The following SYN2 variants were observed in gnomAD, a reference collection of about 807,000 sequenced individuals.
SYN2 encodes the protein synapsin-2.
SYN2 carries 19 observed loss-of-function variants against 50.9 expected under a neutral mutation model. That is an observed-to-expected ratio of 0.37 (90% CI 0.26 to 0.55). The LOEUF is 0.55. Among genes scored for constraint, SYN2 ranks in the 20% least tolerant of loss-of-function variants. The pLI is 0.81. For missense variants in SYN2, 587 were observed against 576.4 expected (o/e 1.02, Z -0.19); for synonymous variants, 255 against 224.9 (o/e 1.13, Z -1.20).
chr3:12,146,800 C>T (rs954747362), intron 4 of SYN2, among the ~76,000 whole-genome samples: 8 of 152,158 alleles, frequency 5.3e-5, no homozygotes, highest in Middle Eastern at 3.2e-3. Context: ...GCTTCCCCTC[C>T]GACCACTGAG....
intron 1 of SYN2, among the ~76,000 whole-genome samples, chr3:12,130,463 A>C (rs897435794): frequency 1.3e-5 from 2 of 152,140 alleles, no homozygotes; most frequent in Non-Finnish European, 2.9e-5. Flanking sequence ...ACAGGGAGAA[A>C]GAGCAAATTC....
intron 1 of SYN2, chr3:12,070,507 A>G (rs960679505): frequency 4.0e-5 from 29 of 723,904 alleles, no homozygotes; most frequent in Non-Finnish European, 1.7e-5. Context: ...CACACCTTCT[A>G]CAGTGAGTTG....
intron 1 of SYN2, among the ~76,000 whole-genome samples, chr3:12,081,710 C>T (rs1163294076): frequency 6.6e-6 from 1 of 152,176 alleles, no homozygotes; most frequent in East Asian, 1.9e-4. Context: ...CATTCTTCCA[C>T]CACATATGCC....
At chr3:12,101,177 C>T (rs747361445) in intron 1 of SYN2, among the ~76,000 whole-genome samples, 6 of 152,070 alleles carry the variant, frequency 3.9e-5, no homozygotes, top group Non-Finnish European at 7.4e-5. Flanking sequence ...AAAACTTGTA[C>T]GTGAAAAATT....
intron 1 of SYN2, among the ~76,000 whole-genome samples, chr3:12,091,263 G>A (rs1013621334): frequency 6.6e-6 from 1 of 152,144 alleles, no homozygotes; most frequent in Non-Finnish European, 1.5e-5. Flanking sequence ...GTGAGGATAT[G>A]TATTTTTTTT....
At chr3:12,093,620 T>G (rs1695873390) in intron 1 of SYN2, among the ~76,000 whole-genome samples, 1 of 152,164 alleles carries the variant, frequency 6.6e-6, no homozygotes, top group Non-Finnish European at 1.5e-5. Flanking sequence ...GTAACGATAC[T>G]TTGATGTGGG....
At chr3:12,118,384 G>A (rs576147223) in intron 1 of SYN2, among the ~76,000 whole-genome samples, 9 of 152,110 alleles carry the variant, frequency 5.9e-5, no homozygotes, top group Non-Finnish European at 1.2e-4. Flanking sequence ...GTAACATAGC[G>A]AGACCCTGTC....
chr3:12,150,010 A>G (rs2125223774), intron 4 of SYN2, among the ~76,000 whole-genome samples: 1 of 152,352 alleles, frequency 6.6e-6, no homozygotes, highest in Admixed American at 6.5e-5. Context: ...TTAACAGAAC[A>G]AGAATCAGAA....
At chr3:12,083,716 G>A (rs909035663) in intron 1 of SYN2, among the ~76,000 whole-genome samples, 4 of 152,156 alleles carry the variant, frequency 2.6e-5, no homozygotes, top group African/African-American at 9.7e-5. Flanking sequence ...TTCATCATCT[G>A]TTCTACCTAG....
chr3:12,147,881 A>C (rs970772746), intron 4 of SYN2, among the ~76,000 whole-genome samples: 1 of 152,178 alleles, frequency 6.6e-6, no homozygotes. Flanking sequence ...TGGGAGGCTG[A>C]GGCAGGCACA....
chr3:12,116,322 T>C (rs749225204), intron 1 of SYN2, among the ~76,000 whole-genome samples: 15 of 152,140 alleles, frequency 9.9e-5, no homozygotes, highest in Non-Finnish European at 1.6e-4. Flanking sequence ...AGAGAAAGGT[T>C]GGAAGAAGAG....
intron 1 of SYN2, among the ~76,000 whole-genome samples, chr3:12,079,188 TAAG>T (rs1428122533): frequency 1.3e-5 from 2 of 152,206 alleles, no homozygotes; most frequent in African/African-American, 4.8e-5. Flanking sequence ...CTTATCAGCT[TAAG>T]AAGCTTTTGG....
intron 10 of SYN2, among the ~76,000 whole-genome samples, chr3:12,177,847 A>T (rs1196423163): frequency 1.3e-5 from 2 of 152,180 alleles, no homozygotes; most frequent in Admixed American, 1.3e-4. Context: ...AGACTCAGGG[A>T]CTGCCCCCAT....
Position 12,183,384 on chromosome 3 carries a change from T to C in SYN2, c.1369+12T>C, listed in dbSNP as rs1281189727. On this transcript the variant is annotated intron_variant, in intron 11 of 12. Transcript: ENST00000621198. ...GCCACCCCCTCAAGGTTGTTTACAG[T>C]ATATTCTCGACTGTAATGGCATTGC... The C allele has an allele frequency of 1.5e-5, 25 of 1,613,752 alleles. No homozygotes were observed. Among genetic ancestry groups the C allele is most frequent in the African/African-American group, 2.7e-5 (2 of 74,920 alleles).
intron 1 of SYN2, among the ~76,000 whole-genome samples, chr3:12,080,810 C>G (rs971629906): frequency 3.3e-5 from 5 of 152,148 alleles, no homozygotes; most frequent in Non-Finnish European, 5.9e-5. Flanking sequence ...CTGTAGATAT[C>G]TATCAGGTCC....
intron 1 of SYN2, among the ~76,000 whole-genome samples, chr3:12,025,934 C>G (rs1163673450): frequency 6.6e-6 from 1 of 152,230 alleles, no homozygotes; most frequent in Non-Finnish European, 1.5e-5. Flanking sequence ...AGCCAAGCCT[C>G]TTGTTTCTTT....
chr3:12,011,422 T>G (rs3913280), intron 1 of SYN2, among the ~76,000 whole-genome samples: 30,651 of 152,104 alleles, frequency 0.2, 6,047 homozygotes, highest in African/African-American at 0.52. Context: ...AGTAGGGCAG[T>G]GACCTGTGGA....
chr3:12,040,325 G>C (rs1213492042), intron 1 of SYN2, among the ~76,000 whole-genome samples: 2 of 151,922 alleles, frequency 1.3e-5, no homozygotes, highest in African/African-American at 2.4e-5. Context: ...GAACAGGAGA[G>C]AATGTTAAAC....
intron 7 of SYN2, among the ~76,000 whole-genome samples, chr3:12,166,088 G>T (rs1165665281): frequency 6.6e-6 from 1 of 152,186 alleles, no homozygotes; most frequent in Non-Finnish European, 1.5e-5. Context: ...TACTGTCCAA[G>T]CATAAGGACT....
Sources: gnomAD v4.1 joint callset for allele counts (sites outside exome capture counted in the v4.1 genomes callset) on GRCh38, gnomAD v4.1.1 for gene constraint, MANE v1.5 for transcripts, NCBI Gene and HGNC (gene_info 2026-07-23, HGNC 2026-07-21) for gene names.